RBBP4: variants seen among roughly 807,000 people sequenced by gnomAD.
The protein encoded by RBBP4 is histone-binding protein RBBP4.
A neutral mutation model predicts 57.2 loss-of-function variants in RBBP4; 3 were observed. The ratio of observed to expected loss-of-function variants is 0.05; its 90% CI spans 0.02 to 0.14. The LOEUF is 0.14. Among genes scored for constraint, RBBP4 ranks in the 10% least tolerant of loss-of-function variants. RBBP4 has a pLI of 1.00. For synonymous variants in RBBP4, 151 were observed against 171.5 expected, an observed-to-expected ratio of 0.88 and a Z score of 0.93; for missense variants, 107 against 520.6, an observed-to-expected ratio of 0.21 and a Z score of 7.73.
rs1363739283 is a variant in RBBP4 at position 32,681,555 on chromosome 1, T to C, written c.*1850T>C. Reference sequence around the variant, plus strand: ...ACATTCATCCTTCACTCAGTGCATATGTGAGGGTTGTTGCTGGAAGACAGG... The same window carrying C: ...ACATTCATCCTTCACTCAGTGCATACGTGAGGGTTGTTGCTGGAAGACAGG... On this transcript the variant is annotated 3_prime_UTR_variant, in exon 12 of 12. Transcript: ENST00000373493. The C allele has an allele frequency of 9.3e-6, 5 of 537,686 alleles. No homozygotes were observed. The highest frequency in any genetic ancestry group is 1.7e-5 in the Non-Finnish European group (5 of 301,034). 33.3% of individuals were successfully genotyped at this position (537,686 alleles called of 1,614,324 possible). A position where few individuals can be genotyped will look rare whatever the true frequency, so the allele number is the denominator to read the frequency against.
intron 2 of RBBP4, among the ~76,000 whole-genome samples, chr1:32,657,186 G>T (rs896835876): frequency 1.3e-5 from 2 of 152,148 alleles, no homozygotes; most frequent in African/African-American, 2.4e-5. Context: ...TGAGGCATGA[G>T]AATCGCTTGA....
rs145266708 is a variant in RBBP4 at position 32,676,161 on chromosome 1, C to T, written c.1212+3260C>T. 2.2e-4 allele frequency among the ~76,000 whole-genome samples: 34 copies of T among 152,166 alleles called. No individual in the cohort carries two copies. In the East Asian group the frequency reaches 5.8e-3, roughly 26 times the overall value. Reference sequence around the variant, plus strand: ...CTGCACTCCAGCCTAGATGACATAGCGAGACCCTGTCTCTAAAGGAAGAAA... The same window carrying T: ...CTGCACTCCAGCCTAGATGACATAGTGAGACCCTGTCTCTAAAGGAAGAAA... On this transcript the variant is annotated intron_variant, in intron 11 of 11. Transcript: ENST00000373493.
chr1:32,653,568 T>C (rs1164301626), intron 2 of RBBP4, among the ~76,000 whole-genome samples: 1 of 140,584 alleles, frequency 7.1e-6, no homozygotes, highest in Non-Finnish European at 1.6e-5. Flanking sequence ...CTAGGGATGT[T>C]ACACAAAACC....
chr1:32,663,607 C>T (rs546457790), intron 3 of RBBP4, among the ~76,000 whole-genome samples: 30 of 149,748 alleles, frequency 2.0e-4, no homozygotes, highest in African/African-American at 5.6e-4. Context: ...GACAGAGTCT[C>T]GCTTTATCGC....
intron 3 of RBBP4, among the ~76,000 whole-genome samples, chr1:32,662,677 T>C (rs1484936224): frequency 6.6e-6 from 1 of 151,790 alleles, no homozygotes; most frequent in African/African-American, 2.4e-5. Context: ...CCCAGCCTAG[T>C]TTTGTTTTTT....
At chr1:32,651,849 G>A in intron 1 of RBBP4, 65 bp from the exon 2 acceptor site, 1 of 1,525,088 alleles carries the variant, frequency 6.6e-7, no homozygotes, top group Non-Finnish European at 9.0e-7. Flanking sequence ...CATGCAGGTG[G>A]CTTTGCAGAG....
rs1308749213 is a variant in RBBP4, at chr1:32,682,541, G to C, written c.*2836G>C. ...TAATCCCAGCACTTTGAGAGGCTGA[G>C]GCACGTGGATCACAAGGTCAGGAGT... On this transcript the variant is annotated 3_prime_UTR_variant, in exon 12 of 12. Coordinates refer to ENST00000373493, the MANE Select transcript of RBBP4 (RefSeq NM_005610.3). 2 of 152,216 alleles carry C rather than the reference G, an allele frequency of 1.3e-5. No individual in the cohort carries two copies. Among genetic ancestry groups the C allele is most frequent in the East Asian group, 3.9e-4 (2 of 5,192 alleles). The allele number at this position is 152,216 out of a possible 1,614,324, so 9.4% of individuals were successfully genotyped here.
intron 8 of RBBP4, among the ~76,000 whole-genome samples, chr1:32,670,236 C>G (rs940142991): frequency 1.3e-5 from 2 of 152,116 alleles, no homozygotes; most frequent in Non-Finnish European, 2.9e-5. Context: ...ATTTTTTCAG[C>G]CTTGTTTCTG....
chr1:32,660,587 A>AT, intron 3 of RBBP4, among the ~76,000 whole-genome samples: 1 of 35,106 alleles, frequency 2.8e-5, no homozygotes, highest in African/African-American at 4.9e-5. Flanking sequence ...CAGATAACTT[A>AT]ATTTTTTTTT....
In RBBP4 at chr1:32,655,773, C is replaced by T. The variant is rs537490637; in HGVS notation, c.165-1654C>T. On this transcript the variant is annotated intron_variant, in intron 2 of 11. Coordinates refer to ENST00000373493, the MANE Select transcript of RBBP4 (RefSeq NM_005610.3). ...TTCATCATAATTGGCTTTAGTTTGA[C>T]ATTTTCTCTTTCTCCATTTTATAGG... Among the ~76,000 whole-genome samples, 35 of 152,296 alleles carry T rather than the reference C, an allele frequency of 2.3e-4. 1 individual carries two copies. Among genetic ancestry groups the T allele is most frequent in the Admixed American group, 2.2e-3 (33 of 15,268 alleles).
intron 2 of RBBP4, among the ~76,000 whole-genome samples, chr1:32,655,623 C>A (rs145615154): frequency 5.9e-4 from 90 of 152,286 alleles, no homozygotes; most frequent in African/African-American, 2.0e-3. Context: ...CCTGATTTTT[C>A]TTCTGCCTGC....
intron 11 of RBBP4, among the ~76,000 whole-genome samples, chr1:32,673,884 G>A (rs1315091865): frequency 1.3e-5 from 2 of 152,068 alleles, no homozygotes; most frequent in Non-Finnish European, 2.9e-5. Flanking sequence ...GGATCACGAG[G>A]TCAGGAGATC....
intron 2 of RBBP4, among the ~76,000 whole-genome samples, chr1:32,653,739 A>G (rs1340168577): frequency 7.3e-6 from 1 of 136,998 alleles, no homozygotes; most frequent in East Asian, 2.3e-4. Context: ...GCTGACTGCA[A>G]GCTCCGCCTC....
chr1:32,666,839 T>C (rs1648675039), intron 3 of RBBP4, among the ~76,000 whole-genome samples: 1 of 152,222 alleles, frequency 6.6e-6, no homozygotes, highest in Non-Finnish European at 1.5e-5. Context: ...GTATAAACAT[T>C]ATTAATCATC....
At chr1:32,652,259 C>A in intron 2 of RBBP4, 198 bp downstream of exon 2, 1 of 595,514 alleles carries the variant, frequency 1.7e-6, no homozygotes, top group Non-Finnish European at 2.8e-6. Flanking sequence ...AACATATTGG[C>A]GTTTTTTTCT....
chr1:32,675,930 A>G (rs1287789563), intron 11 of RBBP4, among the ~76,000 whole-genome samples: 7 of 151,796 alleles, frequency 4.6e-5, no homozygotes, highest in Non-Finnish European at 8.8e-5. Context: ...GTCTCTACCA[A>G]AAAAAAATTA....
At chr1:32,662,898 C>A (rs929589860) in intron 3 of RBBP4, among the ~76,000 whole-genome samples, 1 of 151,994 alleles carries the variant, frequency 6.6e-6, no homozygotes, top group Non-Finnish European at 1.5e-5. Context: ...GCAGTAGAAT[C>A]GCTTGAACCC....
At position 32,669,666 on chromosome 1, in the gene RBBP4, G is replaced by T. The variant is rs563357085; in HGVS notation, c.966+103G>T. ...AGCACTTTGGGAGGCTGAAGCGGGCGGATCACAAGGTCAGGAGATCGAGAC... is the reference window on the plus strand; with the variant it reads ...AGCACTTTGGGAGGCTGAAGCGGGCTGATCACAAGGTCAGGAGATCGAGAC... On this transcript the variant is annotated intron_variant, in intron 8 of 11. Transcript: ENST00000373493. This position sits in a 1 kb window ranked among gnomAD's most constrained non-coding sequence, Gnocchi z 4.9. The T allele has an allele frequency of 2.9e-5, 42 of 1,443,658 alleles. No homozygotes were observed. Among genetic ancestry groups the T allele is most frequent in the Non-Finnish European group, 3.7e-5 (41 of 1,095,426 alleles). 89.4% of individuals were successfully genotyped at this position (1,443,658 alleles called of 1,614,324 possible). A position where few individuals can be genotyped will look rare whatever the true frequency, so the allele number is the denominator to read the frequency against.
intron 11 of RBBP4, 52 bp downstream of exon 11, chr1:32,672,953 T>G: frequency 2.2e-6 from 3 of 1,369,584 alleles, no homozygotes; most frequent in Non-Finnish European, 3.1e-6. Flanking sequence ...AGACATAGAA[T>G]CAATTTACAT....
Sources: allele counts gnomAD v4.1 joint callset (sites outside exome capture counted in the v4.1 genomes callset), GRCh38; gene constraint gnomAD v4.1.1; non-coding constraint Gnocchi (gnomAD v3.1); transcripts MANE v1.5; gene names NCBI Gene and HGNC (gene_info 2026-07-23, HGNC 2026-07-21).